Variants in OLFM3 observed in about 807,000 individuals in gnomAD.
The protein encoded by OLFM3 is olfactomedin 3.
In OLFM3, 20 loss-of-function variants were observed where a neutral mutation model predicts 48.6. The ratio of observed to expected loss-of-function variants is 0.41; its 90% CI spans 0.29 to 0.60. The LOEUF (loss-of-function observed/expected upper bound fraction) is 0.60, where lower values mean the gene tolerates loss of function less well. Among genes scored for constraint, OLFM3 ranks in the 20% least tolerant of loss-of-function variants. The pLI is 0.28. For synonymous variants in OLFM3, 222 were observed against 198.1 expected (o/e 1.12, Z -1.01); for missense variants, 437 against 544.3 (o/e 0.80, Z 1.96).
intron 1 of OLFM3, among the ~76,000 whole-genome samples, chr1:101,850,519 GT>G (rs1249548904): frequency 6.6e-6 from 1 of 151,862 alleles, no homozygotes; most frequent in Non-Finnish European, 1.5e-5. Context: ...GTTAAATGTT[GT>G]TTTAATGACC....
chr1:101,907,462 C>T (rs1658590550), intron 1 of OLFM3, among the ~76,000 whole-genome samples: 1 of 152,160 alleles, frequency 6.6e-6, no homozygotes, highest in African/African-American at 2.4e-5. Context: ...TCTGTGCAGG[C>T]TATAGAGAAA....
intron 1 of OLFM3, among the ~76,000 whole-genome samples, chr1:101,973,501 A>C (rs1325316872): frequency 1.3e-5 from 2 of 152,190 alleles, no homozygotes; most frequent in African/African-American, 4.8e-5. Flanking sequence ...TCACAAACAT[A>C]CCTAGAAATA....
chr1:101,877,051 T>G (rs907099700), intron 1 of OLFM3, among the ~76,000 whole-genome samples: 1 of 152,026 alleles, frequency 6.6e-6, no homozygotes, highest in Non-Finnish European at 1.5e-5. Flanking sequence ...CTGAGCCATT[T>G]TGAAGAACAA....
At chr1:101,979,261 A>ACCT (rs1481898141) in intron 1 of OLFM3, among the ~76,000 whole-genome samples, 1 of 151,950 alleles carries the variant, frequency 6.6e-6, no homozygotes, top group Non-Finnish European at 1.5e-5. Context: ...TATCATATCC[A>ACCT]CCTCTAACAC....
chr1:101,811,790 G>A (rs1437329090), intron 4 of OLFM3, among the ~76,000 whole-genome samples: 1 of 152,084 alleles, frequency 6.6e-6, no homozygotes, highest in Non-Finnish European at 1.5e-5. Flanking sequence ...ATTCCTCAGG[G>A]ATCTAGAACT....
intron 1 of OLFM3, among the ~76,000 whole-genome samples, chr1:101,863,402 G>A (rs968185597): frequency 1.3e-5 from 2 of 152,136 alleles, no homozygotes; most frequent in African/African-American, 4.8e-5. Context: ...CTACATAACA[G>A]CCCTTCAAAT....
At chr1:101,805,036 C>T in intron 5 of OLFM3, 121 bp from the exon 6 acceptor site, 1 of 741,994 alleles carries the variant, frequency 1.3e-6, no homozygotes, top group South Asian at 1.9e-5. Flanking sequence ...GCCACACTAT[C>T]TTACTGCTGA....
intron 1 of OLFM3, among the ~76,000 whole-genome samples, chr1:101,971,688 G>C (rs1045178826): frequency 6.6e-6 from 1 of 152,124 alleles, no homozygotes; most frequent in African/African-American, 2.4e-5. Context: ...CTGACCTGAA[G>C]ATGTCTAAAA....
At chr1:101,805,119 A>G (rs1653702211) in intron 5 of OLFM3, among the ~76,000 whole-genome samples, 2 of 151,794 alleles carry the variant, frequency 1.3e-5, no homozygotes. Context: ...AAATAACTGA[A>G]TTTACTACCT....
chr1:101,885,732 A>G (rs1270831879), intron 1 of OLFM3, among the ~76,000 whole-genome samples: 1 of 152,168 alleles, frequency 6.6e-6, no homozygotes, highest in Non-Finnish European at 1.5e-5. Flanking sequence ...TCATACAAAT[A>G]CAGTATATGA....
intron 1 of OLFM3, among the ~76,000 whole-genome samples, chr1:101,851,886 C>T (rs1656233561): frequency 6.6e-6 from 1 of 152,040 alleles, no homozygotes; most frequent in Admixed American, 6.6e-5. Flanking sequence ...CCTGTTAAGA[C>T]CCAAATTTCC....
intron 1 of OLFM3, among the ~76,000 whole-genome samples, chr1:101,960,410 T>A (rs115759374): frequency 2.4e-3 from 370 of 152,278 alleles, no homozygotes; most frequent in Non-Finnish European, 3.9e-3. Flanking sequence ...CAGAGGGTAA[T>A]CTAGGTCAAG....
chr1:101,817,387 A>G lies in OLFM3; in HGVS notation c.592+7639T>C, dbSNP rs1654383884. 2.6e-5 allele frequency among the ~76,000 whole-genome samples: 4 copies of G among 152,302 alleles called. No individual in the cohort carries two copies. The Middle Eastern group carries it at 0.01, about 389-fold the overall frequency. ...TATGTGCACATTGCATATATTCAGA[A>G]AATGTACTGAAATATACATCTTACC... On this transcript the variant is annotated intron_variant, in intron 4 of 5. Transcript: ENST00000370103.
intron 2 of OLFM3, among the ~76,000 whole-genome samples, chr1:101,833,028 G>C (rs936407526): frequency 6.6e-6 from 1 of 152,166 alleles, no homozygotes; most frequent in African/African-American, 2.4e-5. Flanking sequence ...TATGGCATTT[G>C]TCTGTGAGGA....
Position 101,880,212 on chromosome 1 carries a change from G to A in OLFM3, c.70-43187C>T, listed in dbSNP as rs145742483. On this transcript the variant is annotated intron_variant, in intron 1 of 5. Transcript: ENST00000370103. ...TTCATCATGAACAGGGTTTCACCAC[G>A]TTGGCCAGGCTGGTCTCAAATGACC... 6.6e-5 allele frequency among the ~76,000 whole-genome samples: 10 copies of A among 151,870 alleles called. No homozygotes were observed. The East Asian group carries it at 1.2e-3, about 18-fold the overall frequency.
At chr1:101,907,059 A>C (rs569160743) in intron 1 of OLFM3, among the ~76,000 whole-genome samples, 20 of 152,332 alleles carry the variant, frequency 1.3e-4, no homozygotes, top group East Asian at 1.2e-3. Context: ...CAATAAAAAA[A>C]GATTAAAATT....
intron 1 of OLFM3, among the ~76,000 whole-genome samples, chr1:101,921,927 C>T (rs892040019): frequency 6.6e-6 from 1 of 152,030 alleles, no homozygotes; most frequent in African/African-American, 2.4e-5. Context: ...GGCATGGTGG[C>T]GGGTGCCTGT....
intron 1 of OLFM3, among the ~76,000 whole-genome samples, chr1:101,850,291 G>A (rs558339178): frequency 8.2e-4 from 124 of 152,140 alleles, no homozygotes; most frequent in Admixed American, 1.4e-3. Flanking sequence ...ATTGCTCATG[G>A]AATGCTGAAA....
rs1375262012 is a variant in OLFM3 at position 101,806,173 on chromosome 1, T to G, written c.602A>C (p.Lys201Thr). Residue 201 changes from lysine to threonine, a missense_variant, in exon 5 of 6, where the codon AAA becomes ACA. Around this residue, in one of 3 missense-constraint regions of OLFM3, gnomAD observed 314 missense variants for 365.5 expected, o/e 0.86. Coordinates refer to ENST00000370103, the MANE Select transcript of OLFM3 (RefSeq NM_058170.4). ...AACTGGGCCTGTGATTTTCATCAGTTTGCCACATGCTGAAATTAGAGAAAC... is the reference window on the plus strand; with the variant it reads ...AACTGGGCCTGTGATTTTCATCAGTGTGCCACATGCTGAAATTAGAGAAAC... ...RDCMKKLTCG[K>T]LMKITGPVTV... 6.2e-7 allele frequency: 1 copy of G among 1,611,500 alleles called. No homozygotes were observed. The highest frequency in any genetic ancestry group is 1.1e-5 in the South Asian group (1 of 91,002).
Sources: allele counts gnomAD v4.1 joint callset (sites outside exome capture counted in the v4.1 genomes callset), GRCh38; gene constraint gnomAD v4.1.1; regional missense constraint gnomAD v4.1.1; transcripts MANE v1.5; gene names NCBI Gene and HGNC (gene_info 2026-07-23, HGNC 2026-07-21).